Variants in BBS1 observed in about 807,000 individuals in gnomAD.
BBS1 encodes the protein Bardet-Biedl syndrome 1.
A neutral mutation model predicts 73.9 loss-of-function variants in BBS1; 60 were observed. The ratio of observed to expected loss-of-function variants is 0.81; its 90% CI spans 0.66 to 1.01. The LOEUF (loss-of-function observed/expected upper bound fraction) is 1.01. Ranked by LOEUF, BBS1 falls within the 50% of genes least tolerant of loss-of-function variation. The pLI, the probability that BBS1 is intolerant of heterozygous loss-of-function variation, is 0.00. For synonymous variants in BBS1, 283 were observed against 317.4 expected (o/e 0.89, Z 1.15); for missense variants, 718 against 770.3 (o/e 0.93, Z 0.80).
chr11:66,520,894 CT>C (rs1470522069), intron 8 of BBS1: 2 of 337,814 alleles, frequency 5.9e-6, no homozygotes, highest in African/African-American at 4.3e-5. Context: ...AAGTTTTGTA[CT>C]TTTGGTAGAG....
chr11:66,532,075 A>T lies in BBS1; in HGVS notation c.*38A>T, dbSNP rs1244229127. On this transcript the variant is annotated 3_prime_UTR_variant, in exon 17 of 17. Coordinates refer to ENST00000318312, the MANE Select transcript of BBS1 (RefSeq NM_024649.5). Reference sequence around the variant, plus strand: ...TGTGAAAGCCCCTGCACAATCAGCCAGGGAGAACTGGGCGGGTTTAGTGGC... The same window carrying T: ...TGTGAAAGCCCCTGCACAATCAGCCTGGGAGAACTGGGCGGGTTTAGTGGC... 3 of 1,570,322 alleles carry T rather than the reference A, an allele frequency of 1.9e-6. No homozygotes were observed. Among genetic ancestry groups the T allele is most frequent in the Non-Finnish European group, 2.6e-6 (3 of 1,158,624 alleles).
At chr11:66,517,014 A>C (rs1230693907) in intron 7 of BBS1, among the ~76,000 whole-genome samples, 2 of 152,138 alleles carry the variant, frequency 1.3e-5, no homozygotes, top group Non-Finnish European at 2.9e-5. Flanking sequence ...CCTGGCTAAC[A>C]TGGTGAAACC....
At chr11:66,512,135 A>G (rs1055079264) in intron 3 of BBS1, among the ~76,000 whole-genome samples, 6 of 151,296 alleles carry the variant, frequency 4.0e-5, no homozygotes, top group Non-Finnish European at 7.4e-5. Flanking sequence ...TTTTAAAGGT[A>G]GAGAAATATA....
At chr11:66,513,774 G>A (rs1348912246) in intron 3 of BBS1, among the ~76,000 whole-genome samples, 4 of 152,192 alleles carry the variant, frequency 2.6e-5, no homozygotes, top group African/African-American at 7.2e-5. Flanking sequence ...GTATCCAGGA[G>A]TTCTTGGGTA....
intron 8 of BBS1, 133 bp from the exon 9 acceptor site, chr11:66,521,135 CTG>C (rs1856196608): frequency 2.7e-6 from 2 of 740,584 alleles, no homozygotes; most frequent in Non-Finnish European, 2.4e-6. Context: ...TCCTGAAAAA[CTG>C]TATGAGTTTA....
At chr11:66,512,873 G>A (rs1472551183) in intron 3 of BBS1, among the ~76,000 whole-genome samples, 1 of 152,084 alleles carries the variant, frequency 6.6e-6, no homozygotes, top group African/African-American at 2.4e-5. Flanking sequence ...TCGGGAGGCT[G>A]AGGCAGGAGA....
rs375949076 is a variant in BBS1, at chr11:66,521,349, G to A, written c.803G>A (p.Arg268His). ...GAGTTCCGGCTTGCCGCGGCCTGCCGCAATGGAAACATCTATATTCTGAGA... is the reference window on the plus strand; with the variant it reads ...GAGTTCCGGCTTGCCGCGGCCTGCCACAATGGAAACATCTATATTCTGAGA... ...DVEFRLAAAC[R>H]NGNIYILRRD... The change falls in exon 9 of 17, where the codon CGC (arginine) becomes CAC (histidine). Residue 268 changes from arginine (R) to histidine (H), a missense_variant. By Grantham distance (29) the Arg-to-His change is conservative. Coordinates refer to ENST00000318312, the MANE Select transcript of BBS1 (RefSeq NM_024649.5). 1.8e-5 allele frequency: 29 copies of A among 1,614,064 alleles called. No individual in the cohort carries two copies. The highest frequency in any genetic ancestry group is 2.2e-5 in the East Asian group (1 of 44,892).
intron 11 of BBS1, among the ~76,000 whole-genome samples, chr11:66,525,895 A>G (rs1302175267): frequency 6.6e-6 from 1 of 152,168 alleles, no homozygotes; most frequent in Admixed American, 6.5e-5. Context: ...TGGGAGATCT[A>G]TTAGGAGGTT....
intron 8 of BBS1, chr11:66,521,013 C>T (rs560465582): frequency 1.4e-5 from 7 of 501,852 alleles, no homozygotes; most frequent in African/African-American, 9.7e-5. Context: ...GCCACCACAC[C>T]CAGCTGCACG....
chr11:66,523,780 G>A lies in BBS1; in HGVS notation c.1008G>A (p.Leu336=). The A allele has an allele frequency of 6.2e-7, 1 of 1,613,368 alleles. No individual in the cohort carries two copies. Among genetic ancestry groups the A allele is most frequent in the Non-Finnish European group, 8.5e-7 (1 of 1,180,030 alleles). The part of the protein sequence containing the change: ...MPAAILTMNL[L]EQHSRGLQAV... ...CAGCCATCCTGACCATGAACCTCCT[G>A]GAGCAGCATTCCCGGGGCCTGCAGG... Residue 336 remains leucine, a synonymous_variant, in exon 11 of 17, where the codon CTG becomes CTA. Coordinates refer to ENST00000318312, the MANE Select transcript of BBS1 (RefSeq NM_024649.5).
intron 7 of BBS1, among the ~76,000 whole-genome samples, chr11:66,516,201 C>T (rs187842566): frequency 2.4e-4 from 35 of 146,716 alleles, no homozygotes; most frequent in South Asian, 1.1e-3. Context: ...TCTCAGCTCA[C>T]TACAACCTCT....
intron 14 of BBS1, 135 bp downstream of exon 14, chr11:66,530,087 C>G: frequency 7.8e-7 from 1 of 1,287,510 alleles, no homozygotes; most frequent in Non-Finnish European, 1.1e-6. Flanking sequence ...CACCTTCCCG[C>G]AGACCTGGGG....
chr11:66,521,379 A>G lies in BBS1; in HGVS notation c.830+3A>G, dbSNP rs747229201. 1.9e-5 allele frequency: 31 copies of G among 1,613,270 alleles called. No homozygotes were observed. The highest frequency in any genetic ancestry group is 2.5e-5 in the Non-Finnish European group (29 of 1,179,316). ...GGAAACATCTATATTCTGAGAAGGT[A>G]GCCACATCCGTGGTCTCCGGGGCCG... is the stretch of plus-strand genomic sequence containing the variant. On this transcript the variant is annotated splice_donor_region_variant and intron_variant, in intron 9 of 16. Transcript: ENST00000318312.
intron 9 of BBS1, 97 bp from the exon 10 acceptor site, chr11:66,523,359 C>T (rs1246212353): frequency 6.4e-7 from 1 of 1,559,366 alleles, no homozygotes. Context: ...GCCAGTGTTC[C>T]TCCCAGGTGA....
In BBS1 at chr11:66,515,951, T is replaced by C; in HGVS notation, c.591+18T>C. On this transcript the variant is annotated intron_variant, in intron 7 of 16. Transcript: ENST00000318312. ...AGCGGCAGGTAATACCCCCTTCTCT[T>C]TTTATTTCCCTGTAAAAAAATTTAC... 1.9e-6 allele frequency: 3 copies of C among 1,613,570 alleles called. No homozygotes were observed. Among genetic ancestry groups the C allele is most frequent in the Middle Eastern group, 1.6e-4 (1 of 6,062 alleles).
At position 66,519,543 on chromosome 11, in the gene BBS1, C is replaced by T. The variant is rs1464825210; in HGVS notation, c.592-74C>T. 5 of 1,603,460 alleles carry T rather than the reference C, an allele frequency of 3.1e-6. No individual in the cohort carries two copies. The East Asian group carries it at 1.1e-4, about 36-fold the overall frequency. On this transcript the variant is annotated intron_variant, in intron 7 of 16. Transcript: ENST00000318312. Reference sequence around the variant, plus strand: ...TCCTCCTTTGCCCTCTTTCTTCCCTCATGTGGCATTCTGGGAGTATCTTGG... The same window carrying T: ...TCCTCCTTTGCCCTCTTTCTTCCCTTATGTGGCATTCTGGGAGTATCTTGG...
intron 9 of BBS1, chr11:66,523,104 G>A (rs775029724): frequency 5.0e-5 from 24 of 475,812 alleles, no homozygotes; most frequent in Non-Finnish European, 8.3e-5. Flanking sequence ...ATAATAAAGT[G>A]CCTAAGTCCA....
chr11:66,531,127 C>T (rs1590782361), intron 15 of BBS1, 99 bp downstream of exon 15: 23 of 1,511,374 alleles, frequency 1.5e-5, no homozygotes, highest in African/African-American at 4.1e-5. Context: ...TCAGAGCGTG[C>T]GGGTGGCTGC....
rs78466549 is a variant in BBS1, at chr11:66,524,383, A to T, written c.1110+501A>T. The T allele has an allele frequency of 1.7e-3, 412 of 238,994 alleles. 1 individual carries two copies. Among genetic ancestry groups the T allele is most frequent in the African/African-American group, 9.0e-3 (395 of 43,730 alleles). 14.8% of individuals were successfully genotyped at this position (238,994 alleles called of 1,614,324 possible). ...AAGTCCTTGTTTTCAGGAGGCTTAC[A>T]GTCTAAGGTAACAGCCAGCCAGAGA... On this transcript the variant is annotated intron_variant, in intron 11 of 16. Transcript: ENST00000318312.
Sources: gnomAD v4.1 joint callset for allele counts (sites outside exome capture counted in the v4.1 genomes callset) on GRCh38, gnomAD v4.1.1 for gene constraint, MANE v1.5 for transcripts, NCBI Gene and HGNC (gene_info 2026-07-23, HGNC 2026-07-21) for gene names.